Variants in AZI2 observed in about 807,000 individuals in gnomAD.
AZI2 encodes 5-azacytidine-induced protein 2.
AZI2 carries 22 observed loss-of-function variants against 45.8 expected under a neutral mutation model. The observed-to-expected ratio is 0.48, with a 90% CI of 0.34 to 0.69. The LOEUF (loss-of-function observed/expected upper bound fraction) is 0.69. Among genes scored for constraint, AZI2 ranks in the 30% least tolerant of loss-of-function variants. The pLI is 0.01. For synonymous variants in AZI2, 137 were observed against 156.7 expected (o/e 0.87, Z 0.94); for missense variants, 417 against 441.5 (o/e 0.94, Z 0.50).
intron 6 of AZI2, among the ~76,000 whole-genome samples, chr3:28,327,482 T>C (rs1179482914): frequency 6.6e-6 from 1 of 151,004 alleles, no homozygotes; most frequent in Non-Finnish European, 1.5e-5. Flanking sequence ...CTGGGCTGTC[T>C]CATAATGTTG....
intron 7 of AZI2, 64 bp from the exon 8 acceptor site, chr3:28,324,518 C>T: frequency 7.5e-7 from 1 of 1,338,600 alleles, no homozygotes; most frequent in Non-Finnish European, 9.8e-7. Flanking sequence ...AATTCGATAA[C>T]ACTTCACCAA....
At chr3:28,326,725 T>G in intron 7 of AZI2, 107 bp downstream of exon 7, 1 of 876,998 alleles carries the variant, frequency 1.1e-6, no homozygotes. Context: ...TATATATACT[T>G]TGGCTTATCA....
At chr3:28,342,721 A>ATG (rs1559463839) in intron 1 of AZI2, among the ~76,000 whole-genome samples, 7 of 82,360 alleles carry the variant, frequency 8.5e-5, no homozygotes, top group Non-Finnish European at 1.8e-4. Flanking sequence ...GCACACACAC[A>ATG]CACACACACA....
chr3:28,337,487 C>T (rs1244980842), intron 4 of AZI2, among the ~76,000 whole-genome samples: 1 of 152,096 alleles, frequency 6.6e-6, no homozygotes, highest in East Asian at 1.9e-4. Flanking sequence ...TATCCATATG[C>T]CCCAGATCCA....
At chr3:28,338,831 A>G (rs1466716774) in intron 2 of AZI2, among the ~76,000 whole-genome samples, 1 of 152,210 alleles carries the variant, frequency 6.6e-6, no homozygotes, top group East Asian at 1.9e-4. Flanking sequence ...TTACATAATC[A>G]GTATTTTATA....
chr3:28,338,129 C>T, intron 3 of AZI2, 93 bp from the exon 4 acceptor site: 1 of 642,074 alleles, frequency 1.6e-6, no homozygotes, highest in Non-Finnish European at 2.3e-6. Context: ...AAAACACATT[C>T]TTGTCTTTAA....
At chr3:28,344,800 T>G (rs1201967007) in intron 1 of AZI2, among the ~76,000 whole-genome samples, 2 of 152,078 alleles carry the variant, frequency 1.3e-5, no homozygotes, top group East Asian at 3.8e-4. Context: ...CTTTAAAAAA[T>G]AAGTGCCATG....
At chr3:28,332,318 G>T in intron 6 of AZI2, 51 bp downstream of exon 6, 1 of 1,500,898 alleles carries the variant, frequency 6.7e-7, no homozygotes, top group Non-Finnish European at 9.2e-7. Context: ...TACACAAAGT[G>T]ACTTATGGAA....
At chr3:28,336,011 C>T (rs1032436877) in intron 5 of AZI2, among the ~76,000 whole-genome samples, 2 of 152,048 alleles carry the variant, frequency 1.3e-5, no homozygotes, top group Non-Finnish European at 2.9e-5. Flanking sequence ...CTCACACTAC[C>T]TTGCTTCTTT....
At chr3:28,325,755 A>T (rs1397135729) in intron 7 of AZI2, among the ~76,000 whole-genome samples, 3 of 151,058 alleles carry the variant, frequency 2.0e-5, no homozygotes, top group Non-Finnish European at 4.5e-5. Flanking sequence ...TTATAGAGAG[A>T]TCTTATTTGT....
Position 28,321,710 on chromosome 3 carries a change from T to C in AZI2, c.*2332A>G, listed in dbSNP as rs1703193548. The C allele has an allele frequency of 2.0e-5, 3 of 151,346 alleles. No homozygotes were observed. The Admixed American group carries it at 2.0e-4, about 10-fold the overall frequency. 9.4% of individuals were successfully genotyped at this position (151,346 alleles called of 1,614,324 possible). ...ATGATTCAGCTCTTCAAGTCTGAAT[T>C]TTCCCATTTATTTTGGTTTTCTAAT... is the stretch of plus-strand genomic sequence containing the variant. On this transcript the variant is annotated 3_prime_UTR_variant, in exon 8 of 8. Transcript: ENST00000479665.
At position 28,321,250 on chromosome 3, in the gene AZI2, C is replaced by T. The variant is rs963989862; in HGVS notation, c.*2792G>A. 2 of 151,214 alleles carry T rather than the reference C, an allele frequency of 1.3e-5. No homozygotes were observed. 9.4% of individuals were successfully genotyped at this position (151,214 alleles called of 1,614,324 possible). On this transcript the variant is annotated 3_prime_UTR_variant, in exon 8 of 8. Coordinates refer to ENST00000479665, the MANE Select transcript of AZI2 (RefSeq NM_022461.5). ...TTGACCTTTGGTATTGGTGCATTTC[C>T]TAGAGCACAGGAAGTTAACTGTTTT...
rs1229450772 is a variant in AZI2 at position 28,326,841 on chromosome 3, T to C, written c.757A>G (p.Ile253Val). 1.2e-6 allele frequency: 2 copies of C among 1,606,206 alleles called. No homozygotes were observed. The highest frequency in any genetic ancestry group is 8.5e-7 in the Non-Finnish European group (1 of 1,173,748). Residue 253 changes from isoleucine to valine, a missense_variant, in exon 7 of 8, where the codon ATC (isoleucine) becomes GTC (valine). Physicochemically the swap from Ile to Val is conservative, Grantham distance 29 (BLOSUM62 3). Coordinates refer to ENST00000479665, the MANE Select transcript of AZI2 (RefSeq NM_022461.5). The stretch of plus-strand genomic sequence containing the variant: ...GTAAACAGTGACTTGCCTTTCTTGA[T>C]TGCAGTTGAGGTTTTCAGTTTTCTT... ...LLRKLKTSTA[I>V]KKACAPVGCS...
At chr3:28,331,248 A>C (rs1703558970) in intron 6 of AZI2, among the ~76,000 whole-genome samples, 1 of 151,388 alleles carries the variant, frequency 6.6e-6, no homozygotes, top group African/African-American at 2.4e-5. Flanking sequence ...AACTGATTAG[A>C]AGTGGCTTAT....
chr3:28,328,970 G>GTA (rs780731572), intron 6 of AZI2, among the ~76,000 whole-genome samples: 1 of 151,184 alleles, frequency 6.6e-6, no homozygotes, highest in East Asian at 1.9e-4. Context: ...CAAAGACAAT[G>GTA]TATAGATTGT....
intron 4 of AZI2, 88 bp from the exon 5 acceptor site, chr3:28,336,973 G>C: frequency 7.5e-7 from 1 of 1,338,766 alleles, no homozygotes; most frequent in Non-Finnish European, 1.0e-6. Context: ...GTAAAATGTA[G>C]ATAATAGAAA....
At chr3:28,344,934 T>C (rs1446258158) in intron 1 of AZI2, among the ~76,000 whole-genome samples, 1 of 152,110 alleles carries the variant, frequency 6.6e-6, no homozygotes, top group Non-Finnish European at 1.5e-5. Flanking sequence ...CAAGCTTAAG[T>C]GGACTTCTCT....
intron 1 of AZI2, among the ~76,000 whole-genome samples, chr3:28,347,065 A>G (rs1370403591): frequency 1.3e-5 from 2 of 152,196 alleles, no homozygotes; most frequent in Admixed American, 6.5e-5. Flanking sequence ...CCTTTCATAC[A>G]GTAATACCTC....
At chr3:28,332,025 C>A (rs1398874775) in intron 6 of AZI2, 1 of 903,760 alleles carries the variant, frequency 1.1e-6, no homozygotes, top group East Asian at 2.6e-5. Context: ...CAAGTAGGCT[C>A]TTAAGACAAA....
Sources: gnomAD v4.1 joint callset for allele counts (sites outside exome capture counted in the v4.1 genomes callset) on GRCh38, gnomAD v4.1.1 for gene constraint, MANE v1.5 for transcripts, NCBI Gene and HGNC (gene_info 2026-07-23, HGNC 2026-07-21) for gene names.